Variants in PRKN observed in about 807,000 individuals in gnomAD.
The protein encoded by PRKN is E3 ubiquitin-protein ligase parkin.
In PRKN, 56 loss-of-function variants were observed where a neutral mutation model predicts 59.5. That is an observed-to-expected ratio of 0.94 (90% confidence interval 0.76 to 1.18). The LOEUF is 1.18. Among genes scored for constraint, PRKN ranks in the 50% most tolerant of loss-of-function variants. The probability of loss-of-function intolerance (pLI) is 0.00; values close to 1 mark genes in which losing one functional copy is unlikely to be tolerated. For synonymous variants in PRKN, 250 were observed against 222.1 expected (o/e 1.13, Z -1.12); for missense variants, 657 against 596.4 (o/e 1.10, Z -1.06).
At chr6:161,883,918 G>T (rs1488739623) in intron 6 of PRKN, among the ~76,000 whole-genome samples, 1 of 152,152 alleles carries the variant, frequency 6.6e-6, no homozygotes. Context: ...CTCCCAAGGT[G>T]CTGGGATTAC....
At chr6:162,254,399 T>C (rs754000480) in intron 3 of PRKN, among the ~76,000 whole-genome samples, 19 of 151,452 alleles carry the variant, frequency 1.3e-4, no homozygotes, top group African/African-American at 2.2e-4. Context: ...GGGGGTTGCA[T>C]TGAGCTGAGA....
chr6:162,111,911 G>A (rs929049163), intron 4 of PRKN, among the ~76,000 whole-genome samples: 2 of 152,110 alleles, frequency 1.3e-5, no homozygotes, highest in Admixed American at 6.6e-5. Context: ...CCAAAGTTTC[G>A]TTCCAAAGTC....
chr6:161,806,542 C>T (rs192238857), intron 6 of PRKN, among the ~76,000 whole-genome samples: 2 of 152,298 alleles, frequency 1.3e-5, no homozygotes, highest in Admixed American at 1.3e-4. Context: ...GGCTATGAAG[C>T]ACCTCACCAG....
At chr6:161,742,772 C>T (rs1019451218) in intron 7 of PRKN, among the ~76,000 whole-genome samples, 5 of 152,170 alleles carry the variant, frequency 3.3e-5, no homozygotes, top group African/African-American at 7.2e-5. Context: ...CTCACAGCCG[C>T]GCAGAGTAGC....
At chr6:162,639,662 C>T (rs539357853) in intron 1 of PRKN, among the ~76,000 whole-genome samples, 4 of 133,684 alleles carry the variant, frequency 3.0e-5, no homozygotes, top group Admixed American at 8.2e-5. Context: ...CTACACTGAA[C>T]GGAAAAACAC....
chr6:161,977,848 C>CCTAT (rs1010169791), intron 5 of PRKN, among the ~76,000 whole-genome samples: 2 of 151,848 alleles, frequency 1.3e-5, no homozygotes, highest in African/African-American at 4.8e-5. Flanking sequence ...CACGCCCGGC[C>CCTAT]CTATCTTCTC....
intron 1 of PRKN, among the ~76,000 whole-genome samples, chr6:162,664,838 T>C (rs536289567): frequency 3.3e-5 from 5 of 152,300 alleles, no homozygotes; most frequent in African/African-American, 1.2e-4. Flanking sequence ...AGGTTGCCTG[T>C]GCACTCTGAT....
chr6:161,426,149 C>T (rs548044870), intron 9 of PRKN, among the ~76,000 whole-genome samples: 9 of 152,080 alleles, frequency 5.9e-5, no homozygotes, highest in East Asian at 1.9e-4. Context: ...GAGAGAAAAA[C>T]GGAGATTTGT....
intron 2 of PRKN, among the ~76,000 whole-genome samples, chr6:162,265,803 T>C (rs1780103486): frequency 6.6e-6 from 1 of 152,178 alleles, no homozygotes; most frequent in Non-Finnish European, 1.5e-5. Context: ...GACCCGCAGC[T>C]GAAGCCAGCC....
rs1779013383 is a variant in PRKN, at chr6:162,664,326, C to T, written c.7+63336G>A. The stretch of plus-strand genomic sequence containing the variant: ...TATTTGGGTTGGTTCCATGTCTTTG[C>T]TATTGTGAACAGTGCCGCAATAAAC... On this transcript the variant is annotated intron_variant, in intron 1 of 11. Transcript: ENST00000366898. Among the ~76,000 whole-genome samples, 4 of 152,150 alleles carry T rather than the reference C, an allele frequency of 2.6e-5. No individual in the cohort carries two copies. In the South Asian group the frequency reaches 6.2e-4, roughly 24 times the overall value.
intron 2 of PRKN, among the ~76,000 whole-genome samples, chr6:162,385,111 TA>T (rs372509298): frequency 6.6e-6 from 1 of 152,100 alleles, no homozygotes; most frequent in Admixed American, 6.6e-5. Flanking sequence ...ATTATCTTTT[TA>T]AAAAACCTGA....
At chr6:161,441,011 A>C (rs770918813) in intron 9 of PRKN, among the ~76,000 whole-genome samples, 12 of 152,232 alleles carry the variant, frequency 7.9e-5, no homozygotes, top group Admixed American at 3.3e-4. Flanking sequence ...TTTCCTAACA[A>C]AAATGTTCTG....
intron 7 of PRKN, among the ~76,000 whole-genome samples, chr6:161,614,890 C>T (rs1393301694): frequency 6.6e-6 from 1 of 151,972 alleles, no homozygotes; most frequent in African/African-American, 2.4e-5. Flanking sequence ...AGCTGACCTC[C>T]CAGAATTTCC....
At chr6:161,831,600 T>C (rs991950897) in intron 6 of PRKN, among the ~76,000 whole-genome samples, 1 of 152,218 alleles carries the variant, frequency 6.6e-6, no homozygotes, top group African/African-American at 2.4e-5. Flanking sequence ...ACTGGTTCTG[T>C]GCAGAAGCAG....
chr6:161,714,453 C>CAA (rs1786886690), intron 7 of PRKN, among the ~76,000 whole-genome samples: 2 of 152,136 alleles, frequency 1.3e-5, no homozygotes, highest in Non-Finnish European at 2.9e-5. Context: ...AAGGAGGTGT[C>CAA]ATCGTGCAAG....
intron 2 of PRKN, among the ~76,000 whole-genome samples, chr6:162,411,204 A>G (rs1788339929): frequency 6.6e-6 from 1 of 152,234 alleles, no homozygotes; most frequent in African/African-American, 2.4e-5. Flanking sequence ...AATATCTGTC[A>G]GGCATTTAAA....
intron 4 of PRKN, among the ~76,000 whole-genome samples, chr6:162,065,511 C>A (rs1235483711): frequency 1.3e-5 from 2 of 152,018 alleles, no homozygotes; most frequent in East Asian, 1.9e-4. Flanking sequence ...TATCCTCTGG[C>A]AACACCCTCA....
intron 6 of PRKN, among the ~76,000 whole-genome samples, chr6:161,947,580 TC>T (rs1299958454): frequency 6.6e-6 from 1 of 152,092 alleles, no homozygotes; most frequent in Non-Finnish European, 1.5e-5. Flanking sequence ...CTGGCCCGAG[TC>T]CCACAGTGAT....
intron 7 of PRKN, among the ~76,000 whole-genome samples, chr6:161,590,259 C>T (rs1781668593): frequency 6.6e-6 from 1 of 152,130 alleles, no homozygotes; most frequent in African/African-American, 2.4e-5. Flanking sequence ...ACACTGTGTG[C>T]CTACTGAGAA....
Sources: gnomAD v4.1 joint callset for allele counts (sites outside exome capture counted in the v4.1 genomes callset) on GRCh38, gnomAD v4.1.1 for gene constraint, MANE v1.5 for transcripts, NCBI Gene and HGNC (gene_info 2026-07-23, HGNC 2026-07-21) for gene names.